Variants in IQCM observed in about 807,000 individuals in gnomAD.
IQCM encodes the protein IQ domain-containing protein M.
A neutral mutation model predicts 57.6 loss-of-function variants in IQCM; 45 were observed. The observed-to-expected ratio is 0.78, with a 90% CI of 0.62 to 1.00. The LOEUF is 1.00. IQCM is among the 50% of genes least tolerant of loss of function. The pLI is 0.00. For synonymous variants in IQCM, 148 were observed against 158.9 expected, an observed-to-expected ratio of 0.93 and a Z score of 0.51; for missense variants, 468 against 511.6, an observed-to-expected ratio of 0.91 and a Z score of 0.82.
At chr4:149,600,266 T>TACA (rs1754154886) in intron 8 of IQCM, among the ~76,000 whole-genome samples, 1 of 152,150 alleles carries the variant, frequency 6.6e-6, no homozygotes, top group African/African-American at 2.4e-5. Flanking sequence ...GAGTCTGCCT[T>TACA]GTGCTTTATG....
chr4:149,585,378 T>A (rs1401092570), intron 9 of IQCM, among the ~76,000 whole-genome samples: 1 of 151,786 alleles, frequency 6.6e-6, no homozygotes, highest in Admixed American at 6.6e-5. Flanking sequence ...GACTCTAAAG[T>A]TTCGTGGAAT....
At chr4:149,634,037 T>C (rs1252337108) in intron 7 of IQCM, among the ~76,000 whole-genome samples, 1 of 152,186 alleles carries the variant, frequency 6.6e-6, no homozygotes, top group African/African-American at 2.4e-5. Flanking sequence ...TGAGACAGAC[T>C]CTGACTCTGT....
intron 13 of IQCM, among the ~76,000 whole-genome samples, chr4:149,399,922 GA>G (rs1452472860): frequency 6.6e-6 from 1 of 151,892 alleles, no homozygotes; most frequent in African/African-American, 2.4e-5. Context: ...AATTTATGTA[GA>G]AAAACACCCT....
intron 13 of IQCM, among the ~76,000 whole-genome samples, chr4:149,387,281 C>T (rs1731494051): frequency 6.6e-6 from 1 of 152,010 alleles, no homozygotes; most frequent in Non-Finnish European, 1.5e-5. Flanking sequence ...ATCCTCATGA[C>T]CTAATCATCT....
At chr4:149,478,504 G>A (rs1740445417) in intron 12 of IQCM, among the ~76,000 whole-genome samples, 1 of 152,158 alleles carries the variant, frequency 6.6e-6, no homozygotes, top group African/African-American at 2.4e-5. Flanking sequence ...CATAATTAGT[G>A]AGAGGGATAT....
chr4:149,444,680 GA>G (rs958818811), intron 12 of IQCM, among the ~76,000 whole-genome samples: 2 of 144,308 alleles, frequency 1.4e-5, no homozygotes, highest in Non-Finnish European at 3.1e-5. Flanking sequence ...TATGAAAACT[GA>G]AAAAAAAACA....
intron 5 of IQCM, among the ~76,000 whole-genome samples, chr4:149,706,454 C>G (rs1448189356): frequency 6.6e-6 from 1 of 151,912 alleles, no homozygotes; most frequent in Non-Finnish European, 1.5e-5. Context: ...CTCTAGATTG[C>G]CATAGACTCC....
intron 7 of IQCM, among the ~76,000 whole-genome samples, chr4:149,660,845 G>C (rs942294743): frequency 1.3e-5 from 2 of 151,722 alleles, no homozygotes; most frequent in Admixed American, 1.3e-4. Context: ...GGTGGGGGGA[G>C]TGGGGAGGGA....
intron 13 of IQCM, among the ~76,000 whole-genome samples, chr4:149,411,472 T>G (rs952621849): frequency 6.6e-6 from 1 of 152,146 alleles, no homozygotes; most frequent in Admixed American, 6.5e-5. Context: ...ATTAACTAAT[T>G]TGTATTTGGG....
intron 7 of IQCM, among the ~76,000 whole-genome samples, chr4:149,633,994 T>G (rs1049660193): frequency 5.3e-5 from 8 of 152,154 alleles, no homozygotes; most frequent in Non-Finnish European, 1.0e-4. Flanking sequence ...TATCTTTTTC[T>G]TTTTCTTTTT....
In IQCM at chr4:149,548,069, T is replaced by C. The variant is rs189091856; in HGVS notation, c.1228+386A>G. On this transcript the variant is annotated intron_variant, in intron 12 of 13. Transcript: ENST00000636793. The stretch of plus-strand genomic sequence containing the variant: ...TATACATTTTAACTTGACCGTGTTC[T>C]CCAATACCAAATCTAACTATCCAGG... Among the ~76,000 whole-genome samples, 6 of 152,286 alleles carry C rather than the reference T, an allele frequency of 3.9e-5. No homozygotes were observed. In the East Asian group the frequency reaches 9.6e-4, roughly 24 times the overall value.
intron 12 of IQCM, among the ~76,000 whole-genome samples, chr4:149,455,969 TG>T: frequency 6.6e-6 from 1 of 151,976 alleles, no homozygotes; most frequent in East Asian, 1.9e-4. Flanking sequence ...AATGAGACCT[TG>T]TGTCTTAAAA....
chr4:149,705,312 A>T (rs957780212), intron 5 of IQCM, among the ~76,000 whole-genome samples: 3 of 150,106 alleles, frequency 2.0e-5, no homozygotes, highest in African/African-American at 7.3e-5. Flanking sequence ...TAGGAGTAAA[A>T]TTTTCTACCA....
intron 2 of IQCM, among the ~76,000 whole-genome samples, chr4:149,754,299 C>A (rs1768750541): frequency 6.6e-6 from 1 of 152,176 alleles, no homozygotes. Context: ...AGGGTCAACT[C>A]AACATTAAAG....
At chr4:149,357,527 G>A (rs997602391) in intron 13 of IQCM, among the ~76,000 whole-genome samples, 3 of 152,168 alleles carry the variant, frequency 2.0e-5, no homozygotes, top group African/African-American at 7.2e-5. Flanking sequence ...CTTTGGTTCT[G>A]TTTATATGAT....
intron 12 of IQCM, among the ~76,000 whole-genome samples, chr4:149,491,087 T>C (rs1450030852): frequency 6.6e-6 from 1 of 152,034 alleles, no homozygotes; most frequent in Non-Finnish European, 1.5e-5. Flanking sequence ...ATAAAACAAT[T>C]CCTAGGCCTA....
At chr4:149,621,341 C>A (rs572800545) in intron 7 of IQCM, 97 bp from the exon 8 acceptor site, 14 of 446,416 alleles carry the variant, frequency 3.1e-5, no homozygotes, top group Non-Finnish European at 5.2e-5. Context: ...AGCAAATCAT[C>A]TTTATGGCCT....
rs561082166 is a variant in IQCM at position 149,804,476 on chromosome 4, G to A, written c.-49+10835C>T. ...TCTGCCTGTCTCTCCAGTTTACAGAGTGACAGACTGCCCTGTGACCTCAAC... is the reference window on the plus strand; with the variant it reads ...TCTGCCTGTCTCTCCAGTTTACAGAATGACAGACTGCCCTGTGACCTCAAC... On this transcript the variant is annotated intron_variant, in intron 2 of 13. Coordinates refer to ENST00000636793, the MANE Select transcript of IQCM (RefSeq NM_001363507.2). Among the ~76,000 whole-genome samples the A allele has an allele frequency of 1.7e-4, 26 of 152,114 alleles. No individual in the cohort carries two copies. In the South Asian group the frequency reaches 4.8e-3, roughly 28 times the overall value.
At chr4:149,752,987 G>T (rs1348757495) in intron 2 of IQCM, among the ~76,000 whole-genome samples, 2 of 152,164 alleles carry the variant, frequency 1.3e-5, no homozygotes, top group African/African-American at 4.8e-5. Context: ...AGGGGCAGGA[G>T]CCCCAAGGAA....
Sources: gnomAD v4.1 joint callset for allele counts (sites outside exome capture counted in the v4.1 genomes callset) on GRCh38, gnomAD v4.1.1 for gene constraint, MANE v1.5 for transcripts, NCBI Gene and HGNC (gene_info 2026-07-23, HGNC 2026-07-21) for gene names.